Variants in ZFHX3 observed in about 807,000 individuals in gnomAD.
ZFHX3 encodes zinc finger homeobox protein 3.
Under a neutral mutation model 279.1 loss-of-function variants are expected in ZFHX3, and 42 were observed. The ratio of observed to expected loss-of-function variants is 0.15; its 90% CI spans 0.12 to 0.19. The LOEUF (loss-of-function observed/expected upper bound fraction) is 0.19, where lower values mean the gene tolerates loss of function less well. Among genes scored for constraint, ZFHX3 ranks in the 10% least tolerant of loss-of-function variants. ZFHX3 has a pLI of 1.00. For missense variants in ZFHX3, 4,981 were observed against 4,754.0 expected, an observed-to-expected ratio of 1.05 and a Z score of -1.40; for synonymous variants, 2,293 against 1,957.8, an observed-to-expected ratio of 1.17 and a Z score of -4.52.
At chr16:72,837,447 C>A (rs2037220627) in intron 4 of ZFHX3, among the ~76,000 whole-genome samples, 1 of 150,908 alleles carries the variant, frequency 6.6e-6, no homozygotes, top group East Asian at 1.9e-4. Flanking sequence ...ATGGAAAACT[C>A]AGACATGCGC....
chr16:73,576,446 G>A (rs2051800238), intron 2 of ZFHX3, among the ~76,000 whole-genome samples: 1 of 152,198 alleles, frequency 6.6e-6, no homozygotes, highest in Admixed American at 6.5e-5. Flanking sequence ...GTCAAGAATA[G>A]ATAATGCACC....
intron 2 of ZFHX3, among the ~76,000 whole-genome samples, chr16:73,535,660 C>T (rs2019887121): frequency 6.6e-6 from 1 of 151,828 alleles, no homozygotes; most frequent in Non-Finnish European, 1.5e-5. Flanking sequence ...TGCCCATCAC[C>T]TTTCAATTCC....
At chr16:73,680,390 T>C (rs1352551575) in intron 1 of ZFHX3, 1 of 152,198 alleles carries the variant, frequency 6.6e-6, no homozygotes, top group Non-Finnish European at 1.5e-5. Context: ...TTCAAAGCCA[T>C]GGAGGTCACG....
At chr16:73,254,732 C>G (rs1317897077) in intron 5 of ZFHX3, among the ~76,000 whole-genome samples, 1 of 152,116 alleles carries the variant, frequency 6.6e-6, no homozygotes, top group Non-Finnish European at 1.5e-5. Context: ...AAATATTGAT[C>G]TCATCTTCAT....
chr16:73,259,903 T>G (rs1279718223), intron 4 of ZFHX3, among the ~76,000 whole-genome samples: 1 of 152,242 alleles, frequency 6.6e-6, no homozygotes, highest in Non-Finnish European at 1.5e-5. Flanking sequence ...AAATTAACAT[T>G]GCTATAATAC....
At chr16:73,308,500 AG>A (rs1274154103) in intron 4 of ZFHX3, among the ~76,000 whole-genome samples, 1 of 151,832 alleles carries the variant, frequency 6.6e-6, no homozygotes. Flanking sequence ...CATGTTTTCC[AG>A]GGTGGTCTCG....
chr16:73,551,946 C>T (rs2020209807), intron 2 of ZFHX3, among the ~76,000 whole-genome samples: 1 of 152,116 alleles, frequency 6.6e-6, no homozygotes, highest in Admixed American at 6.5e-5. Flanking sequence ...CATTTACTAA[C>T]TCCATCTTGA....
chr16:72,821,314 C>T (rs929044726), intron 5 of ZFHX3, among the ~76,000 whole-genome samples: 5 of 152,190 alleles, frequency 3.3e-5, no homozygotes. Flanking sequence ...CCACTTTCCC[C>T]TCCAGATTTA....
At chr16:73,215,026 G>A (rs1247036192) in intron 5 of ZFHX3, among the ~76,000 whole-genome samples, 1 of 151,830 alleles carries the variant, frequency 6.6e-6, no homozygotes, top group African/African-American at 2.4e-5. Context: ...AGGGGGCAGG[G>A]GGCAATTTAG....
At chr16:72,991,466 TAC>T (rs1464319355) in intron 1 of ZFHX3, among the ~76,000 whole-genome samples, 3 of 152,200 alleles carry the variant, frequency 2.0e-5, no homozygotes, top group Non-Finnish European at 2.9e-5. Context: ...GCAAATTTGC[TAC>T]AGACTTTGGG....
chr16:73,490,632 G>A (rs2143645605), intron 2 of ZFHX3, among the ~76,000 whole-genome samples: 1 of 152,272 alleles, frequency 6.6e-6, no homozygotes, highest in Non-Finnish European at 1.5e-5. Flanking sequence ...GAGCCCAGGA[G>A]CTTGAGACTA....
At chr16:73,856,361 G>A (rs981259689) in intron 1 of ZFHX3, among the ~76,000 whole-genome samples, 2 of 152,092 alleles carry the variant, frequency 1.3e-5, no homozygotes, top group African/African-American at 2.4e-5. Context: ...AACAAGGTTG[G>A]ACGCAGTAAC....
intron 5 of ZFHX3, among the ~76,000 whole-genome samples, chr16:73,253,245 T>C (rs1436124848): frequency 6.6e-6 from 1 of 152,070 alleles, no homozygotes; most frequent in East Asian, 1.9e-4. Context: ...TGAGGAATAC[T>C]TAGGGAGTTC....
intron 3 of ZFHX3, among the ~76,000 whole-genome samples, chr16:73,373,742 T>C (rs2143346496): frequency 6.6e-6 from 1 of 152,304 alleles, no homozygotes; most frequent in Admixed American, 6.5e-5. Context: ...TTCAGAAATT[T>C]ACAAAGAGGG....
intron 2 of ZFHX3, among the ~76,000 whole-genome samples, chr16:73,545,665 T>C (rs1385308672): frequency 6.6e-6 from 1 of 152,188 alleles, no homozygotes; most frequent in Non-Finnish European, 1.5e-5. Context: ...TGAAACAGTT[T>C]ATAACATTCT....
chr16:73,816,446 T>G (rs1474129732), intron 1 of ZFHX3, among the ~76,000 whole-genome samples: 2 of 152,214 alleles, frequency 1.3e-5, no homozygotes, highest in Non-Finnish European at 2.9e-5. Context: ...TAAAGTTTTA[T>G]TGGAACACAG....
At chr16:73,530,093 C>T (rs1175174952) in intron 2 of ZFHX3, among the ~76,000 whole-genome samples, 1 of 152,136 alleles carries the variant, frequency 6.6e-6, no homozygotes, top group Non-Finnish European at 1.5e-5. Context: ...TTAATGGTCT[C>T]ACAGTTCCAC....
At chr16:73,361,133 A>C (rs972924171) in intron 3 of ZFHX3, among the ~76,000 whole-genome samples, 1 of 152,250 alleles carries the variant, frequency 6.6e-6, no homozygotes, top group Non-Finnish European at 1.5e-5. Flanking sequence ...AAGAGCATCA[A>C]GTGGTCTGGA....
chr16:72,988,953 A>T (rs749405552), intron 1 of ZFHX3, among the ~76,000 whole-genome samples: 2 of 152,166 alleles, frequency 1.3e-5, no homozygotes, highest in Non-Finnish European at 2.9e-5. Flanking sequence ...AAGTGGGAGG[A>T]TCACAGGAGC....
Sources: allele counts gnomAD v4.1 joint callset (sites outside exome capture counted in the v4.1 genomes callset), GRCh38; gene constraint gnomAD v4.1.1; transcripts MANE v1.5; gene names NCBI Gene and HGNC (gene_info 2026-07-23, HGNC 2026-07-21).